ADIPOR2: variants seen among roughly 807,000 people sequenced by gnomAD.
ADIPOR2 encodes adiponectin receptor 2.
Under a neutral mutation model 40.9 loss-of-function variants are expected in ADIPOR2, and 18 were observed. The ratio of observed to expected loss-of-function variants is 0.44; its 90% CI spans 0.30 to 0.65. The LOEUF (loss-of-function observed/expected upper bound fraction) is 0.65, where lower values mean the gene tolerates loss of function less well. Among genes scored for constraint, ADIPOR2 ranks in the 30% least tolerant of loss-of-function variants. ADIPOR2 has a pLI of 0.09. For missense variants in ADIPOR2, 283 were observed against 479.2 expected, an observed-to-expected ratio of 0.59 and a Z score of 3.82; for synonymous variants, 165 against 166.4, an observed-to-expected ratio of 0.99 and a Z score of 0.06.
intron 1 of ADIPOR2, among the ~76,000 whole-genome samples, chr12:1,730,314 C>A (rs188451377): frequency 6.6e-6 from 1 of 150,778 alleles, no homozygotes; most frequent in Non-Finnish European, 1.5e-5. Flanking sequence ...TTAGGAGATA[C>A]GTTATTTGAA....
chr12:1,693,445 TGTGATTATAGAATTTGTTG>T (rs1238944677), intron 1 of ADIPOR2, among the ~76,000 whole-genome samples: 1 of 152,132 alleles, frequency 6.6e-6, no homozygotes, highest in Non-Finnish European at 1.5e-5. Context: ...GCTTTTTTTC[TGTGATTATAGAATTTGTTG>T]GTGATTATTT....
intron 1 of ADIPOR2, among the ~76,000 whole-genome samples, chr12:1,733,256 G>A (rs1433885144): frequency 6.6e-6 from 1 of 152,112 alleles, no homozygotes; most frequent in African/African-American, 2.4e-5. Flanking sequence ...AGTTTATTGA[G>A]GTTCTTAGGT....
At chr12:1,719,601 T>C (rs1232323358) in intron 1 of ADIPOR2, among the ~76,000 whole-genome samples, 1 of 152,234 alleles carries the variant, frequency 6.6e-6, no homozygotes, top group East Asian at 1.9e-4. Flanking sequence ...GGAAATATTT[T>C]ATTGCATGTA....
At chr12:1,749,831 A>G (rs61504210) in intron 1 of ADIPOR2, among the ~76,000 whole-genome samples, 3,373 of 121,944 alleles carry the variant, frequency 0.028, 131 homozygotes, top group African/African-American at 0.098. Flanking sequence ...CTATTTGTTT[A>G]GTTTTTTTTT....
intron 1 of ADIPOR2, among the ~76,000 whole-genome samples, chr12:1,721,542 G>T (rs889831309): frequency 4.6e-5 from 7 of 152,156 alleles, no homozygotes; most frequent in African/African-American, 1.7e-4. Flanking sequence ...TAAATTAACT[G>T]AGACCTGTCT....
intron 2 of ADIPOR2, among the ~76,000 whole-genome samples, chr12:1,771,604 G>C (rs879334435): frequency 6.6e-6 from 1 of 152,058 alleles, no homozygotes; most frequent in Non-Finnish European, 1.5e-5. Context: ...AATCAGACTG[G>C]GTGTATAACA....
At chr12:1,771,605 G>GTGTATA (rs1402645666) in intron 2 of ADIPOR2, among the ~76,000 whole-genome samples, 4 of 152,132 alleles carry the variant, frequency 2.6e-5, no homozygotes, top group African/African-American at 9.7e-5. Flanking sequence ...ATCAGACTGG[G>GTGTATA]TGTATAACAT....
chr12:1,715,160 C>T (rs573161566), intron 1 of ADIPOR2, among the ~76,000 whole-genome samples: 9 of 152,060 alleles, frequency 5.9e-5, no homozygotes, highest in Non-Finnish European at 8.8e-5. Flanking sequence ...GAGAGGTCCT[C>T]CTCCCCAATA....
At chr12:1,748,416 T>G (rs757418275) in intron 1 of ADIPOR2, among the ~76,000 whole-genome samples, 7 of 151,944 alleles carry the variant, frequency 4.6e-5, no homozygotes, top group Non-Finnish European at 1.0e-4. Context: ...GCCTGGCTAA[T>G]TTTTTATATT....
At chr12:1,745,306 A>G (rs532762289) in intron 1 of ADIPOR2, among the ~76,000 whole-genome samples, 3 of 152,224 alleles carry the variant, frequency 2.0e-5, no homozygotes, top group Non-Finnish European at 4.4e-5. Context: ...TTTTTCAAAG[A>G]AATTCCACAT....
intron 2 of ADIPOR2, among the ~76,000 whole-genome samples, chr12:1,761,809 T>G (rs1323509416): frequency 6.6e-6 from 1 of 152,218 alleles, no homozygotes; most frequent in Non-Finnish European, 1.5e-5. Context: ...TGACAGGACT[T>G]CTGTTTTGTT....
At chr12:1,751,409 G>A (rs1179417210) in intron 1 of ADIPOR2, among the ~76,000 whole-genome samples, 1 of 152,036 alleles carries the variant, frequency 6.6e-6, no homozygotes, top group Non-Finnish European at 1.5e-5. Flanking sequence ...TTTTAAGGAG[G>A]ATCCTTAAAA....
intron 1 of ADIPOR2, chr12:1,697,052 A>C (rs1448174149): frequency 6.6e-6 from 1 of 152,266 alleles, no homozygotes; most frequent in Non-Finnish European, 1.5e-5. Context: ...GTGGTGCAGC[A>C]GCAGAAACTT....
chr12:1,691,998 T>C (rs2094628090), intron 1 of ADIPOR2, among the ~76,000 whole-genome samples: 1 of 152,176 alleles, frequency 6.6e-6, no homozygotes, highest in Non-Finnish European at 1.5e-5. Flanking sequence ...TTGTTGACTT[T>C]TTTTTTAAAA....
Position 1,786,638 on chromosome 12 carries a change from A to G in ADIPOR2, c.*566A>G, listed in dbSNP as rs1592637595. 1 of 153,094 alleles carries G rather than the reference A, an allele frequency of 6.5e-6. No homozygotes were observed. Among genetic ancestry groups the G allele is most frequent in the Non-Finnish European group, 1.5e-5 (1 of 68,386 alleles). 9.5% of individuals were successfully genotyped at this position (153,094 alleles called of 1,614,324 possible). A position where few individuals can be genotyped will look rare whatever the true frequency, so the allele number is the denominator to read the frequency against. On this transcript the variant is annotated 3_prime_UTR_variant, in exon 8 of 8. Transcript: ENST00000357103. Reference sequence around the variant, plus strand: ...GGAGGGAGAATTTTTGTATAGAATGAAACATGCAAGTACCACACACTGTTT... The same window carrying G: ...GGAGGGAGAATTTTTGTATAGAATGGAACATGCAAGTACCACACACTGTTT...
rs552153650 is a variant in ADIPOR2 at position 1,733,826 on chromosome 12, C to T, written c.-86-20432C>T. On this transcript the variant is annotated intron_variant, in intron 1 of 7. Transcript: ENST00000357103. Reference sequence around the variant, plus strand: ...CCTGTGTCCATGTGTTCTCATTGTTCAATTCCCACCTATGAGTGAGAACAT... The same window carrying T: ...CCTGTGTCCATGTGTTCTCATTGTTTAATTCCCACCTATGAGTGAGAACAT... Among the ~76,000 whole-genome samples, 3 of 146,180 alleles carry T rather than the reference C, an allele frequency of 2.1e-5. No homozygotes were observed. In the South Asian group the frequency reaches 6.8e-4, roughly 33 times the overall value.
chr12:1,727,309 G>A (rs16928665), intron 1 of ADIPOR2, among the ~76,000 whole-genome samples: 6,596 of 152,180 alleles, frequency 0.043, 233 homozygotes, highest in East Asian at 0.18. Flanking sequence ...GGGGAAGACA[G>A]CCTTAGCAAA....
At chr12:1,694,106 A>T (rs188216029) in intron 1 of ADIPOR2, among the ~76,000 whole-genome samples, 34 of 152,320 alleles carry the variant, frequency 2.2e-4, no homozygotes, top group Middle Eastern at 6.8e-3. Context: ...CAGCTCTGTG[A>T]GTGTATACTA....
intron 1 of ADIPOR2, among the ~76,000 whole-genome samples, chr12:1,715,556 T>A (rs1310461388): frequency 2.0e-5 from 3 of 152,164 alleles, no homozygotes; most frequent in Admixed American, 2.0e-4. Context: ...CCATTGTCGC[T>A]TTGGCTGGCC....
Sources: allele counts gnomAD v4.1 joint callset (sites outside exome capture counted in the v4.1 genomes callset), GRCh38; gene constraint gnomAD v4.1.1; transcripts MANE v1.5; gene names NCBI Gene and HGNC (gene_info 2026-07-23, HGNC 2026-07-21).